Variants in ARHGEF37 observed in about 807,000 individuals in gnomAD.
ARHGEF37 encodes the protein Rho guanine nucleotide exchange factor (GEF) 37.
A neutral mutation model predicts 71.1 loss-of-function variants in ARHGEF37; 55 were observed. That is an observed-to-expected ratio of 0.77 (90% CI 0.62 to 0.97). The LOEUF (loss-of-function observed/expected upper bound fraction) is 0.97, where lower values mean the gene tolerates loss of function less well. Among genes scored for constraint, ARHGEF37 ranks in the 50% least tolerant of loss-of-function variants. The pLI, the probability that ARHGEF37 is intolerant of heterozygous loss-of-function variation, is 0.00. For missense variants in ARHGEF37, 765 were observed against 836.8 expected, an observed-to-expected ratio of 0.91 and a Z score of 1.06; for synonymous variants, 327 against 350.6, an observed-to-expected ratio of 0.93 and a Z score of 0.75.
upstream of ARHGEF37, among the ~76,000 whole-genome samples, chr5:149,580,567 C>T (rs1333436487): frequency 6.6e-6 from 1 of 152,080 alleles, no homozygotes; most frequent in African/African-American, 2.4e-5. Context: ...GTTATTTTCA[C>T]CTCTGTAGCT....
intron 9 of ARHGEF37, among the ~76,000 whole-genome samples, 200 bp from the exon 10 acceptor site, chr5:149,623,812 A>T (rs1752605264): frequency 6.6e-6 from 1 of 152,176 alleles, no homozygotes; most frequent in Non-Finnish European, 1.5e-5. Flanking sequence ...ACAAGCTGTG[A>T]ATCTGGTGAC....
chr5:149,584,955 A>G (rs1287359833), intron 1 of ARHGEF37, among the ~76,000 whole-genome samples: 1 of 152,190 alleles, frequency 6.6e-6, no homozygotes, highest in African/African-American at 2.4e-5. Flanking sequence ...TTATTTAGTT[A>G]TATAATGAGC....
At chr5:149,614,598 T>C (rs1752323729) in intron 4 of ARHGEF37, among the ~76,000 whole-genome samples, 1 of 152,200 alleles carries the variant, frequency 6.6e-6, no homozygotes, top group Non-Finnish European at 1.5e-5. Context: ...CACTTGGCTC[T>C]TTCCCATGGA....
chr5:149,570,023 G>T (rs968310960), intron 1 of ARHGEF37, among the ~76,000 whole-genome samples: 5 of 152,112 alleles, frequency 3.3e-5, no homozygotes, highest in Non-Finnish European at 5.9e-5. Flanking sequence ...TCATTCTAAT[G>T]TGTATGCAGT....
intron 12 of ARHGEF37, among the ~76,000 whole-genome samples, chr5:149,629,695 G>A (rs1397967870): frequency 2.0e-5 from 3 of 152,348 alleles, no homozygotes; most frequent in East Asian, 1.9e-4. Flanking sequence ...CTTGACAAGG[G>A]TGTCAGTCTC....
In ARHGEF37 at chr5:149,628,859, C is replaced by G. The variant is rs1488663917; in HGVS notation, c.1711C>G (p.Pro571Ala). ...GAAACTACAGCTGTACCATGTGGTC[C>G]CCAGTGCAGAGGAGCTCAGAAGGCA... The part of the protein sequence containing the change: ...AGKLQLYHVV[P>A]SAEELRRQAG... The change falls in exon 12 of 13, where the codon CCC (proline) becomes GCC (alanine). Residue 571 changes from proline (P) to alanine (A), a missense_variant. Around this residue, in one of 5 missense-constraint regions of ARHGEF37, gnomAD observed 390 missense variants for 407.4 expected, o/e 0.96. Coordinates refer to ENST00000333677, the MANE Select transcript of ARHGEF37 (RefSeq NM_001001669.3). 8.1e-6 allele frequency: 13 copies of G among 1,613,626 alleles called. No homozygotes were observed. The highest frequency in any genetic ancestry group is 2.7e-5 in the African/African-American group (2 of 74,898).
In ARHGEF37 at chr5:149,612,603, A is replaced by T. The variant is rs553222808; in HGVS notation, c.458+2908A>T. Among the ~76,000 whole-genome samples the T allele has an allele frequency of 2.6e-5, 4 of 152,370 alleles. No homozygotes were observed. The South Asian group carries it at 6.2e-4, about 24-fold the overall frequency. On this transcript the variant is annotated intron_variant, in intron 4 of 12. Transcript: ENST00000333677. The stretch of plus-strand genomic sequence containing the variant: ...GATAGAGTCCAAGTGTGACAAACAT[A>T]TTTAGGTTCTTAGAAGTGTAACACA...
In ARHGEF37 at chr5:149,601,158, C is replaced by G; in HGVS notation, c.237C>G (p.Ile79Met). The G allele has an allele frequency of 6.2e-7, 1 of 1,613,342 alleles. No homozygotes were observed. Among genetic ancestry groups the G allele is most frequent in the Non-Finnish European group, 8.5e-7 (1 of 1,179,420 alleles). The change falls in exon 3 of 13, where the codon ATC becomes ATG. Residue 79 changes from isoleucine to methionine, a missense_variant. Coordinates refer to ENST00000333677, the MANE Select transcript of ARHGEF37 (RefSeq NM_001001669.3). ...DVLFSNIDDI[I>M]KVNSRFLHDL... ...TGTTCTCAAACATTGATGATATCAT[C>G]AAAGTGAACAGCAGATTCCTCCATG...
At chr5:149,628,272 A>G (rs927100421) in intron 11 of ARHGEF37, among the ~76,000 whole-genome samples, 2 of 152,200 alleles carry the variant, frequency 1.3e-5, no homozygotes, top group African/African-American at 4.8e-5. Flanking sequence ...GCTGCCCTCA[A>G]GAGGTGATGT....
chr5:149,622,723 A>G (rs900835791), intron 9 of ARHGEF37, among the ~76,000 whole-genome samples: 3 of 152,212 alleles, frequency 2.0e-5, no homozygotes, highest in Admixed American at 1.3e-4. Context: ...GGCTGAAAGC[A>G]TAAATAGGTT....
chr5:149,561,155 C>T (rs775801248), intron 1 of ARHGEF37, among the ~76,000 whole-genome samples: 28 of 151,844 alleles, frequency 1.8e-4, no homozygotes, highest in Non-Finnish European at 2.4e-4. Flanking sequence ...CACCTGTAGT[C>T]CCAGCTACTC....
intron 1 of ARHGEF37, among the ~76,000 whole-genome samples, chr5:149,559,695 A>C (rs184733182): frequency 6.6e-6 from 1 of 152,318 alleles, no homozygotes; most frequent in African/African-American, 2.4e-5. Context: ...GTTTGTGGTG[A>C]TTAAACCCGT....
chr5:149,601,983 C>G (rs906091883), intron 3 of ARHGEF37, among the ~76,000 whole-genome samples: 1 of 152,020 alleles, frequency 6.6e-6, no homozygotes, highest in Non-Finnish European at 1.5e-5. Context: ...GGAGTTTATT[C>G]TAACTGTGAT....
intron 1 of ARHGEF37, among the ~76,000 whole-genome samples, chr5:149,571,337 C>A (rs1392958255): frequency 6.6e-6 from 1 of 152,166 alleles, no homozygotes; most frequent in Non-Finnish European, 1.5e-5. Context: ...CTCACTGCAA[C>A]CTCTGCCTCC....
chr5:149,570,719 T>C (rs1366528126), intron 1 of ARHGEF37, among the ~76,000 whole-genome samples: 1 of 145,738 alleles, frequency 6.9e-6, no homozygotes, highest in Non-Finnish European at 1.5e-5. Flanking sequence ...CTACTAAAAT[T>C]ACAAAAATTA....
rs773351638 is a variant in ARHGEF37, at chr5:149,618,220, C to G, written c.703C>G (p.Leu235Val). ...AGAGCAGCTGACCCTCCGGGAGCGG[C>G]TGGCCCGCATCAACACACACACCCT... ...KVEQLTLRERLARINTHTLSK... is the reference protein window; with the variant it reads ...KVEQLTLRERVARINTHTLSK... Residue 235 changes from leucine (L) to valine (V), a missense_variant, in exon 6 of 13, where the codon CTG becomes GTG. Coordinates refer to ENST00000333677, the MANE Select transcript of ARHGEF37 (RefSeq NM_001001669.3). 1.2e-6 allele frequency: 2 copies of G among 1,614,126 alleles called. No individual in the cohort carries two copies.
intron 10 of ARHGEF37, among the ~76,000 whole-genome samples, chr5:149,625,072 A>G (rs1752646514): frequency 6.6e-6 from 1 of 151,506 alleles, no homozygotes; most frequent in Non-Finnish European, 1.5e-5. Context: ...CTAATTTTGT[A>G]TTTTTAGTAG....
intron 4 of ARHGEF37, among the ~76,000 whole-genome samples, chr5:149,615,133 C>T (rs1397915839): frequency 6.6e-6 from 1 of 152,034 alleles, no homozygotes; most frequent in East Asian, 1.9e-4. Flanking sequence ...ACCTTGGCAC[C>T]ATTAGTTCCA....
At chr5:149,596,508 T>C (rs1763550484) in intron 1 of ARHGEF37, among the ~76,000 whole-genome samples, 1 of 152,134 alleles carries the variant, frequency 6.6e-6, no homozygotes, top group African/African-American at 2.4e-5. Flanking sequence ...TTTTACCATG[T>C]TGGCCAGGCT....
Sources: allele counts gnomAD v4.1 joint callset (sites outside exome capture counted in the v4.1 genomes callset), GRCh38; gene constraint gnomAD v4.1.1; regional missense constraint gnomAD v4.1.1; transcripts MANE v1.5; gene names NCBI Gene and HGNC (gene_info 2026-07-23, HGNC 2026-07-21).